NBPF3: variants seen among roughly 807,000 people sequenced by gnomAD.
NBPF3 encodes NBPF member 3.
Under a neutral mutation model 78.1 loss-of-function variants are expected in NBPF3, and 57 were observed. The observed-to-expected ratio is 0.73, with a 90% CI of 0.59 to 0.91. The LOEUF is 0.91. NBPF3 is among the 40% of genes least tolerant of loss of function. NBPF3 has a pLI of 0.00. For synonymous variants in NBPF3, 182 were observed against 271.7 expected (o/e 0.67, Z 3.25); for missense variants, 510 against 715.3 (o/e 0.71, Z 3.27).
At chr1:21,438,504 T>G (rs1355517982), upstream of NBPF3, among the ~76,000 whole-genome samples, 2 of 152,258 alleles carry the variant, frequency 1.3e-5, no homozygotes, top group Non-Finnish European at 2.9e-5. Context: ...AATGTAGCTT[T>G]CTTTTGAGGA....
intron 2 of NBPF3, chr1:21,446,592 T>TTTCCTTTC (rs1219746730): frequency 7.8e-6 from 1 of 127,958 alleles, no homozygotes; most frequent in Admixed American, 8.8e-5. Context: ...CCCTCCCTTC[T>TTTCCTTTC]TTCCTTTCTT....
At chr1:21,475,045 A>G in intron 8 of NBPF3, 94 bp downstream of exon 8, 1 of 1,085,838 alleles carries the variant, frequency 9.2e-7, no homozygotes, top group East Asian at 2.6e-5. Flanking sequence ...AGAACTTTTT[A>G]TTCCATTCAC....
intron 2 of NBPF3, among the ~76,000 whole-genome samples, chr1:21,459,465 G>A (rs1051354097): frequency 2.0e-5 from 3 of 152,098 alleles, no homozygotes; most frequent in Non-Finnish European, 2.9e-5. Context: ...CCTCCAAAAC[G>A]TTTTCCAAGA....
intron 8 of NBPF3, among the ~76,000 whole-genome samples, chr1:21,477,476 G>A (rs1642945750): frequency 6.6e-6 from 1 of 152,104 alleles, no homozygotes; most frequent in Admixed American, 6.6e-5. Flanking sequence ...ATGTCCTTTT[G>A]TTGACGTTGA....
chr1:21,445,884 A>G (rs1640941617), intron 2 of NBPF3, among the ~76,000 whole-genome samples: 1 of 152,104 alleles, frequency 6.6e-6, no homozygotes, highest in African/African-American at 2.4e-5. Context: ...TCATGGGGTG[A>G]CTATTAGGTA....
At chr1:21,470,975 T>C (rs1642556262) in intron 4 of NBPF3, among the ~76,000 whole-genome samples, 1 of 152,122 alleles carries the variant, frequency 6.6e-6, no homozygotes, top group African/African-American at 2.4e-5. Flanking sequence ...TGAGGTGAAA[T>C]GCGCATAACA....
intron 2 of NBPF3, among the ~76,000 whole-genome samples, 162 bp downstream of exon 2, chr1:21,445,381 T>TC (rs2147898385): frequency 6.6e-6 from 1 of 152,286 alleles, no homozygotes; most frequent in Non-Finnish European, 1.5e-5. Flanking sequence ...TGAACAAATA[T>TC]CCACAGCCTG....
intron 1 of NBPF3, among the ~76,000 whole-genome samples, chr1:21,440,559 C>T (rs1300180284): frequency 6.6e-6 from 1 of 152,138 alleles, no homozygotes; most frequent in African/African-American, 2.4e-5. Context: ...CTCTCGTGGG[C>T]GCTGGGGAAG....
Position 21,482,233 on chromosome 1 carries a change from G to A in NBPF3, c.1607-251G>A, listed in dbSNP as rs566605594. Among the ~76,000 whole-genome samples, 8 of 147,970 alleles carry A rather than the reference G, an allele frequency of 5.4e-5. No individual in the cohort carries two copies. In the East Asian group the frequency reaches 1.6e-3, roughly 29 times the overall value. On this transcript the variant is annotated intron_variant, in intron 13 of 14. Coordinates refer to ENST00000318249, the MANE Select transcript of NBPF3 (RefSeq NM_032264.6). ...TTGGAAAGATATGGCATAACCGTTT[G>A]CACAAACTTGGGACAAATGATATTG...
At position 21,473,546 on chromosome 1, in the gene NBPF3, T is replaced by G. The variant is rs1403852060; in HGVS notation, c.901T>G (p.Ser301Ala). The G allele has an allele frequency of 6.2e-7, 1 of 1,614,064 alleles. No individual in the cohort carries two copies. The highest frequency in any genetic ancestry group is 8.5e-7 in the Non-Finnish European group (1 of 1,180,004). Residue 301 changes from serine to alanine, a missense_variant, in exon 7 of 15, where the codon TCT becomes GCT. Around this residue, in one of 5 missense-constraint regions of NBPF3, gnomAD observed 440 missense variants for 478.2 expected, o/e 0.92. Coordinates refer to ENST00000318249, the MANE Select transcript of NBPF3 (RefSeq NM_032264.6). ...CGACTCAACTCTCATTGACTCATCCTCTCATGATGAATGGTTGGATGCTGT... is the reference window on the plus strand; with the variant it reads ...CGACTCAACTCTCATTGACTCATCCGCTCATGATGAATGGTTGGATGCTGT... ...QVDSTLIDSS[S>A]HDEWLDAVCI...
intron 12 of NBPF3, among the ~76,000 whole-genome samples, chr1:21,481,190 C>T (rs538449545): frequency 6.6e-6 from 1 of 150,564 alleles, no homozygotes; most frequent in East Asian, 1.9e-4. Context: ...TACTGTAGGT[C>T]GACCATACTT....
chr1:21,474,511 A>G (rs1018529466), intron 7 of NBPF3, among the ~76,000 whole-genome samples: 1 of 152,236 alleles, frequency 6.6e-6, no homozygotes, highest in African/African-American at 2.4e-5. Context: ...TTTATCTATC[A>G]GTCGAGTTTC....
At chr1:21,478,009 T>C (rs1281272923) in intron 8 of NBPF3, 135 bp from the exon 9 acceptor site, 6 of 1,587,936 alleles carry the variant, frequency 3.8e-6, no homozygotes, top group African/African-American at 2.7e-5. Flanking sequence ...GATAGTTTTA[T>C]TTCTCTTGAA....
At chr1:21,439,007 G>A (rs183064154), upstream of NBPF3, among the ~76,000 whole-genome samples, 8 of 152,176 alleles carry the variant, frequency 5.3e-5, no homozygotes, top group East Asian at 1.9e-4. Flanking sequence ...CCATGGTGTC[G>A]CCCACCTTGG....
At chr1:21,447,717 G>C (rs768988141) in intron 2 of NBPF3, among the ~76,000 whole-genome samples, 24 of 152,172 alleles carry the variant, frequency 1.6e-4, no homozygotes, top group Non-Finnish European at 3.2e-4. Flanking sequence ...AAGTACTTCT[G>C]TGCAGGATTT....
In NBPF3 at chr1:21,471,783, G is replaced by A; in HGVS notation, c.661G>A (p.Glu221Lys). 6.2e-7 allele frequency: 1 copy of A among 1,612,656 alleles called. No homozygotes were observed. Among genetic ancestry groups the A allele is most frequent in the South Asian group, 1.1e-5 (1 of 91,002 alleles). The change falls in exon 5 of 15, where the codon GAA becomes AAA. Residue 221 changes from glutamate (E) to lysine (K), a missense_variant and splice_region_variant. Coordinates refer to ENST00000318249, the MANE Select transcript of NBPF3 (RefSeq NM_032264.6). ...GCACCTCGTCCAAAAGCTCAGCCCA[G>A]GTGAGGTGGCCATAGGCCCTGATGA... is the stretch of plus-strand genomic sequence containing the variant. ...AQHLVQKLSP[E>K]NDDDEDEDVK...
intron 1 of NBPF3, among the ~76,000 whole-genome samples, chr1:21,442,669 A>AT (rs112275167): frequency 0.052 from 6,706 of 128,346 alleles, 192 homozygotes; most frequent in African/African-American, 0.11. Context: ...CAGTTTTTGC[A>AT]TTTTTTTTTT....
At chr1:21,441,684 A>G (rs1640657409) in intron 1 of NBPF3, among the ~76,000 whole-genome samples, 1 of 146,444 alleles carries the variant, frequency 6.8e-6, no homozygotes, top group Non-Finnish European at 1.5e-5. Flanking sequence ...TCCGACCTGG[A>G]TGGCAGAGTG....
intron 2 of NBPF3, among the ~76,000 whole-genome samples, chr1:21,448,965 A>G (rs775227004): frequency 1.3e-5 from 2 of 152,216 alleles, no homozygotes; most frequent in African/African-American, 2.4e-5. Flanking sequence ...AAGTTCGTTT[A>G]AAGAATTACT....
Sources: gnomAD v4.1 joint callset for allele counts (sites outside exome capture counted in the v4.1 genomes callset) on GRCh38, gnomAD v4.1.1 for gene constraint, gnomAD v4.1.1 regional missense constraint, MANE v1.5 for transcripts, NCBI Gene and HGNC (gene_info 2026-07-23, HGNC 2026-07-21) for gene names.